The following SH3BP4 variants were observed in gnomAD, a reference collection of about 807,000 sequenced individuals.
SH3BP4 encodes the protein SH3 domain binding protein 4, also known as SH3 domain-binding protein 4.
A neutral mutation model predicts 65.5 loss-of-function variants in SH3BP4; 33 were observed. That is an observed-to-expected ratio of 0.50 (90% CI 0.38 to 0.67). The LOEUF is 0.67. SH3BP4 is among the 30% of genes least tolerant of loss of function. The pLI, the probability that SH3BP4 is intolerant of heterozygous loss-of-function variation, is 0.00. For missense variants in SH3BP4, 1,134 were observed against 1,261.4 expected, an observed-to-expected ratio of 0.90 and a Z score of 1.53; for synonymous variants, 552 against 545.5, an observed-to-expected ratio of 1.01 and a Z score of -0.17.
At chr2:235,022,137 C>T (rs1694861930) in intron 2 of SH3BP4, among the ~76,000 whole-genome samples, 1 of 152,124 alleles carries the variant, frequency 6.6e-6, no homozygotes, top group African/African-American at 2.4e-5. Flanking sequence ...TATCAAATTA[C>T]CAAATGGATT....
chr2:235,020,374 G>A (rs760537167), intron 2 of SH3BP4, among the ~76,000 whole-genome samples: 1 of 152,158 alleles, frequency 6.6e-6, no homozygotes, highest in African/African-American at 2.4e-5. Context: ...GCGCGTGCCT[G>A]TAATCCCATC....
intron 1 of SH3BP4, among the ~76,000 whole-genome samples, chr2:234,987,679 G>A (rs1375560176): frequency 6.6e-6 from 1 of 152,158 alleles, no homozygotes; most frequent in East Asian, 1.9e-4. Context: ...TTGCTTTTAG[G>A]TGGTGATTTT....
rs1695015931 is a variant in SH3BP4 at position 235,026,821 on chromosome 2, TGTGA to T, written c.-132-8043_-132-8040del. On this transcript the variant is annotated intron_variant, in intron 2 of 5. Transcript: ENST00000392011. The surrounding 1 kb of genome is among the most constrained non-coding windows in gnomAD (Gnocchi z 4.6). ...TAGGGAAATGCACCCAGAGGGGCAC[TGTGA>T]GTGAGTCTGATCGGCTGGCGTGCCT... is the stretch of plus-strand genomic sequence containing the variant. Among the ~76,000 whole-genome samples the T allele has an allele frequency of 6.6e-6, 1 of 152,150 alleles. No homozygotes were observed. Among genetic ancestry groups the T allele is most frequent in the Non-Finnish European group, 1.5e-5 (1 of 68,032 alleles).
In SH3BP4 at chr2:235,042,952, G is replaced by C; in HGVS notation, c.2183G>C (p.Ser728Thr). 1 of 1,613,104 alleles carries C rather than the reference G, an allele frequency of 6.2e-7. No homozygotes were observed. The highest frequency in any genetic ancestry group is 2.2e-5 in the East Asian group (1 of 44,846). The stretch of plus-strand genomic sequence containing the variant: ...CTGGTGGTCGGCAGGGCCCGGCCCA[G>C]CCTGTGCTCGGGCCCCGAGCTGAGC... ...NVLVVGRARPSLCSGPELSTS... is the reference protein window; with the variant it reads ...NVLVVGRARPTLCSGPELSTS... The change falls in exon 4 of 6, where the codon AGC becomes ACC. Residue 728 changes from serine to threonine, a missense_variant. Transcript: ENST00000392011. The surrounding 1 kb of genome is among the most constrained non-coding windows in gnomAD (Gnocchi z 7.3).
In SH3BP4 at chr2:235,033,369, C is replaced by A. The variant is rs1001303751; in HGVS notation, c.-132-1502C>A. On this transcript the variant is annotated intron_variant, in intron 2 of 5. Coordinates refer to ENST00000392011, the MANE Select transcript of SH3BP4 (RefSeq NM_014521.3). This position sits in a 1 kb window ranked among gnomAD's most constrained non-coding sequence, Gnocchi z 5.7. ...CGCTGATCTGATCATGAGGACCCCA[C>A]CTTCATGATCTCTTCTAACTCTAAC... 1.3e-5 allele frequency among the ~76,000 whole-genome samples: 2 copies of A among 152,178 alleles called. No homozygotes were observed. Among genetic ancestry groups the A allele is most frequent in the African/African-American group, 2.4e-5 (1 of 41,442 alleles).
In SH3BP4 at chr2:235,052,806, G is replaced by A; in HGVS notation, c.2667+56G>A. Reference sequence around the variant, plus strand: ...AGCCCCTCTGTCCCTGGGTTCCGTGGACCCATGCAGTGCAGCCATAAAAAG... The same window carrying A: ...AGCCCCTCTGTCCCTGGGTTCCGTGAACCCATGCAGTGCAGCCATAAAAAG... On this transcript the variant is annotated intron_variant, in intron 5 of 5. Coordinates refer to ENST00000392011, the MANE Select transcript of SH3BP4 (RefSeq NM_014521.3). The surrounding 1 kb of genome is among the most constrained non-coding windows in gnomAD (Gnocchi z 5.0). The A allele has an allele frequency of 2.1e-6, 3 of 1,454,728 alleles. No homozygotes were observed. The highest frequency in any genetic ancestry group is 2.8e-6 in the Non-Finnish European group (3 of 1,084,220). 90.1% of individuals were successfully genotyped at this position (1,454,728 alleles called of 1,614,324 possible).
rs1696092606 is a variant in SH3BP4, at chr2:235,052,575, T to C, written c.2492T>C (p.Met831Thr). ...CTTCCTCTGCAGGCCCTACTGAAGA[T>C]GGACTGCCAGGGCCTGGTGGTCAGA... is the stretch of plus-strand genomic sequence containing the variant. The part of the protein sequence containing the change: ...QKELVMALLK[M>T]DCQGLVVRLI... The change falls in exon 5 of 6, where the codon ATG becomes ACG. Residue 831 changes from methionine (M) to threonine (T), a missense_variant. Met to Thr is a moderately conservative substitution (Grantham distance 81). Transcript: ENST00000392011. This position sits in a 1 kb window ranked among gnomAD's most constrained non-coding sequence, Gnocchi z 5.0. 1.3e-6 allele frequency: 2 copies of C among 1,549,352 alleles called. No individual in the cohort carries two copies. The highest frequency in any genetic ancestry group is 1.2e-5 in the South Asian group (1 of 83,878).
At chr2:235,000,111 G>A (rs10451535) in intron 2 of SH3BP4, among the ~76,000 whole-genome samples, 65,960 of 152,102 alleles carry the variant, frequency 0.43, 14,853 homozygotes, top group East Asian at 0.73. Flanking sequence ...GTGTGCCTGG[G>A]CCAGGCAGCG....
In SH3BP4 at chr2:234,968,761, G is replaced by A. The variant is rs565059081; in HGVS notation, c.-207+16591G>A. Among the ~76,000 whole-genome samples, 20 of 152,192 alleles carry A rather than the reference G, an allele frequency of 1.3e-4. 1 individual carries two copies. The South Asian group carries it at 2.3e-3, about 17-fold the overall frequency. ...TACCATATGTTTTAGTCGTTCTTTC[G>A]GCATAATTGGATGTTTCCGTTGCTT... On this transcript the variant is annotated intron_variant, in intron 1 of 5. Coordinates refer to ENST00000392011, the MANE Select transcript of SH3BP4 (RefSeq NM_014521.3).
intron 1 of SH3BP4, 60 bp from the exon 2 acceptor site, chr2:234,995,242 AG>A (rs1449895417): frequency 6.6e-6 from 1 of 152,334 alleles, no homozygotes; most frequent in East Asian, 1.9e-4. Flanking sequence ...GGCGGGAAGC[AG>A]GCCTGAGTTC....
In SH3BP4 at chr2:234,974,847, C is replaced by G. The variant is rs959701389; in HGVS notation, c.-206-20456C>G. On this transcript the variant is annotated intron_variant, in intron 1 of 5. Coordinates refer to ENST00000392011, the MANE Select transcript of SH3BP4 (RefSeq NM_014521.3). The surrounding 1 kb of genome is among the most constrained non-coding windows in gnomAD (Gnocchi z 4.6). Reference sequence around the variant, plus strand: ...ATCTGAGCCAGTCAGTGTGCCCACACTGGGGGTGCTGCAGGTCGCGTTTCA... The same window carrying G: ...ATCTGAGCCAGTCAGTGTGCCCACAGTGGGGGTGCTGCAGGTCGCGTTTCA... 6.6e-6 allele frequency among the ~76,000 whole-genome samples: 1 copy of G among 152,168 alleles called. No individual in the cohort carries two copies. The highest frequency in any genetic ancestry group is 6.5e-5 in the Admixed American group (1 of 15,278).
chr2:235,023,354 C>T (rs923090336), intron 2 of SH3BP4, among the ~76,000 whole-genome samples: 3 of 152,134 alleles, frequency 2.0e-5, no homozygotes, highest in South Asian at 2.1e-4. Context: ...CAAGACCAGC[C>T]TGGCCAACAT....
At chr2:234,987,424 A>G (rs1052978137) in intron 1 of SH3BP4, among the ~76,000 whole-genome samples, 1 of 152,180 alleles carries the variant, frequency 6.6e-6, no homozygotes, top group Non-Finnish European at 1.5e-5. Context: ...TGTACGTTAG[A>G]GCCCCATGTT....
At chr2:234,994,164 A>G (rs1188725351) in intron 1 of SH3BP4, among the ~76,000 whole-genome samples, 3 of 151,892 alleles carry the variant, frequency 2.0e-5, no homozygotes, top group African/African-American at 4.8e-5. Flanking sequence ...ACACCCTTCT[A>G]TTGATCTGGA....
chr2:235,050,264 C>T (rs569504294), intron 4 of SH3BP4, among the ~76,000 whole-genome samples: 17 of 152,062 alleles, frequency 1.1e-4, no homozygotes, highest in East Asian at 1.9e-4. Flanking sequence ...TACAGGTGCC[C>T]GCCACCACAC....
chr2:235,019,584 G>C (rs892815869), intron 2 of SH3BP4, among the ~76,000 whole-genome samples: 7 of 151,844 alleles, frequency 4.6e-5, no homozygotes, highest in Admixed American at 4.6e-4. Context: ...TTACAGGCAT[G>C]CACCACCACA....
In SH3BP4 at chr2:235,043,220, G is replaced by T; in HGVS notation, c.2451G>T (p.Arg817=). 1 of 1,583,314 alleles carries T rather than the reference G, an allele frequency of 6.3e-7. No individual in the cohort carries two copies. The highest frequency in any genetic ancestry group is 8.6e-7 in the Non-Finnish European group (1 of 1,160,814). The change falls in exon 4 of 6, where the codon CGG becomes CGT. Residue 817 remains arginine, a synonymous_variant. Transcript: ENST00000392011. ...EDCNNTENKE[R]KSFQKELVMA... is the part of the protein sequence containing the mutation. ...GTAACAACACTGAGAACAAAGAACG[G>T]AAGTCCTTCCAGAAGGAGCTTGTGA...
In SH3BP4 at chr2:235,045,711, T is replaced by C. The variant is rs1695836869; in HGVS notation, c.2478+2464T>C. On this transcript the variant is annotated intron_variant, in intron 4 of 5. Transcript: ENST00000392011. This position sits in a 1 kb window ranked among gnomAD's most constrained non-coding sequence, Gnocchi z 4.3. ...TCGTTTATTAGGAGACCCTGAAAAC[T>C]GGCTGTTCTATTCCGCTTGTCATCA... is the stretch of plus-strand genomic sequence containing the variant. Among the ~76,000 whole-genome samples the C allele has an allele frequency of 6.9e-6, 1 of 144,656 alleles. No individual in the cohort carries two copies. Among genetic ancestry groups the C allele is most frequent in the Admixed American group, 6.9e-5 (1 of 14,574 alleles). 94.9% of individuals were successfully genotyped at this position (144,656 alleles called of 152,430 possible).
intron 2 of SH3BP4, among the ~76,000 whole-genome samples, chr2:235,017,768 A>T (rs1694736294): frequency 6.6e-6 from 1 of 152,276 alleles, no homozygotes; most frequent in East Asian, 1.9e-4. Context: ...CAGCATTAAA[A>T]TCCCTCTCAG....
Sources: allele counts gnomAD v4.1 joint callset (sites outside exome capture counted in the v4.1 genomes callset), GRCh38; gene constraint gnomAD v4.1.1; non-coding constraint Gnocchi (gnomAD v3.1); transcripts MANE v1.5; gene names NCBI Gene and HGNC (gene_info 2026-07-23, HGNC 2026-07-21).